Variants in MIER2 observed in about 807,000 individuals in gnomAD.
MIER2 encodes MIER family member 2, also known as mesoderm induction early response protein 2.
Under a neutral mutation model 67.6 loss-of-function variants are expected in MIER2, and 30 were observed. The observed-to-expected ratio is 0.44, with a 90% CI of 0.33 to 0.60. The LOEUF is 0.60. Among genes scored for constraint, MIER2 ranks in the 20% least tolerant of loss-of-function variants. MIER2 has a pLI of 0.02. For missense variants in MIER2, 702 were observed against 745.1 expected, an observed-to-expected ratio of 0.94 and a Z score of 0.67; for synonymous variants, 372 against 312.6, an observed-to-expected ratio of 1.19 and a Z score of -2.00.
At chr19:325,776 G>T in intron 6 of MIER2, 72 bp from the exon 7 acceptor site, 1 of 1,544,864 alleles carries the variant, frequency 6.5e-7, no homozygotes, top group Non-Finnish European at 8.9e-7. Flanking sequence ...GCTGCAGCGT[G>T]CTGTGGCAGG....
In MIER2 at chr19:306,569, CAGA is replaced by C. The variant is rs1970658695; in HGVS notation, c.*118_*120del. 1 of 1,321,090 alleles carries C rather than the reference CAGA, an allele frequency of 7.6e-7. No homozygotes were observed. The highest frequency in any genetic ancestry group is 1.5e-5 in the African/African-American group (1 of 68,486). The allele number at this position is 1,321,090 out of a possible 1,614,324, so 81.8% of individuals were successfully genotyped here. A position where few individuals can be genotyped will look rare whatever the true frequency, so the allele number is the denominator to read the frequency against. On this transcript the variant is annotated 3_prime_UTR_variant, in exon 14 of 14. Coordinates refer to ENST00000264819, the MANE Select transcript of MIER2 (RefSeq NM_017550.3). ...ACCCCAGTCCTGACGTGTTCTGAAG[CAGA>C]AGGAGGTGCTACCCCAAGGCCCGGG...
chr19:341,102 G>T (rs1972480337), intron 1 of MIER2, among the ~76,000 whole-genome samples: 1 of 152,178 alleles, frequency 6.6e-6, no homozygotes, highest in African/African-American at 2.4e-5. Flanking sequence ...CATCCTAAGT[G>T]ACCTCTGAAA....
chr19:326,456 G>A (rs753672669), intron 6 of MIER2, 51 bp downstream of exon 6: 16 of 1,542,482 alleles, frequency 1.0e-5, no homozygotes, highest in East Asian at 2.3e-5. Context: ...TTGGGGAGAC[G>A]GCAGAACCAC....
chr19:309,013 G>C, intron 10 of MIER2, 88 bp from the exon 11 acceptor site: 1 of 1,526,800 alleles, frequency 6.5e-7, no homozygotes, highest in South Asian at 1.2e-5. Flanking sequence ...TGGGACCCCG[G>C]GACAGCACAG....
At chr19:307,081 G>C (rs200898826) in intron 13 of MIER2, 38 bp downstream of exon 13, 4 of 1,539,022 alleles carry the variant, frequency 2.6e-6, no homozygotes, top group Non-Finnish European at 3.5e-6. Context: ...GACCTGGTTG[G>C]AGTGTTGCGG....
At chr19:326,763 C>A in intron 5 of MIER2, 165 bp from the exon 6 acceptor site, 4 of 623,376 alleles carry the variant, frequency 6.4e-6, no homozygotes, top group South Asian at 5.9e-5. Flanking sequence ...ACCAGGGATG[C>A]ACCTTTGAAG....
At chr19:322,819 C>T (rs148791830) in intron 7 of MIER2, among the ~76,000 whole-genome samples, 64 of 152,298 alleles carry the variant, frequency 4.2e-4, no homozygotes, top group Middle Eastern at 3.4e-3. Context: ...ACGACGCACA[C>T]GAGGGCATTC....
At chr19:326,885 C>T in intron 5 of MIER2, 1 of 589,968 alleles carries the variant, frequency 1.7e-6, no homozygotes, top group Non-Finnish European at 2.9e-6. Flanking sequence ...GAATGCTGTC[C>T]CTGGATCTGC....
At chr19:317,640 G>C (rs1971309466) in intron 7 of MIER2, among the ~76,000 whole-genome samples, 1 of 149,730 alleles carries the variant, frequency 6.7e-6, no homozygotes, top group Non-Finnish European at 1.5e-5. Flanking sequence ...TAAGGTAGGA[G>C]AATCACTTGA....
chr19:308,697 G>A lies in MIER2; in HGVS notation c.1110-32C>T. 6.3e-7 allele frequency: 1 copy of A among 1,598,446 alleles called. No individual in the cohort carries two copies. Among genetic ancestry groups the A allele is most frequent in the East Asian group, 2.3e-5 (1 of 44,358 alleles). ...GGAGAGGGCGCCATGAGGGGCGGCA[G>A]ACAGGACAGACGCCCCCACCCAAGA... On this transcript the variant is annotated intron_variant, in intron 11 of 13. Transcript: ENST00000264819. This position sits in a 1 kb window ranked among gnomAD's most constrained non-coding sequence, Gnocchi z 9.1.
At chr19:327,753 T>C in intron 4 of MIER2, 111 bp downstream of exon 4, 6 of 1,501,042 alleles carry the variant, frequency 4.0e-6, no homozygotes, top group Admixed American at 4.4e-5. Flanking sequence ...ATTCTACTTA[T>C]TCTGGGGGCC....
intron 7 of MIER2, among the ~76,000 whole-genome samples, chr19:322,462 A>G (rs561563209): frequency 6.6e-6 from 1 of 152,334 alleles, no homozygotes; most frequent in East Asian, 1.9e-4. Context: ...CACAAAGCCC[A>G]GAAAGACTTG....
Position 343,742 on chromosome 19 carries a change from C to G in MIER2, c.9+1032G>C, listed in dbSNP as rs1180273202. On this transcript the variant is annotated intron_variant, in intron 1 of 13. Transcript: ENST00000264819. The stretch of plus-strand genomic sequence containing the variant: ...TGAGTCTGCCCGCCTGTCGTAACTT[C>G]TGCGCACAGAAGTCATGCACTGAGT... The G allele has an allele frequency of 9.8e-6, 7 of 717,274 alleles. No homozygotes were observed. The Admixed American group carries it at 4.4e-4, about 45-fold the overall frequency. 44.4% of individuals were successfully genotyped at this position (717,274 alleles called of 1,614,324 possible). A position where few individuals can be genotyped will look rare whatever the true frequency, so the allele number is the denominator to read the frequency against.
chr19:308,582 C>T lies in MIER2; in HGVS notation c.1193G>A (p.Arg398His), dbSNP rs200171246. The change falls in exon 12 of 14, where the codon CGC becomes CAC. Residue 398 changes from arginine to histidine, a missense_variant. Physicochemically the swap from Arg to His is conservative, Grantham distance 29. Transcript: ENST00000264819. The surrounding 1 kb of genome is among the most constrained non-coding windows in gnomAD (Gnocchi z 9.1). Reference protein sequence around the residue: ...RPEQDTLTGMRTDPLSVDGTA... With the variant: ...RPEQDTLTGMHTDPLSVDGTA... ...AGATACTCCCCAAGCCTCACCTGTG[C>T]GCATCCCAGTCAGGGTGTCTTGCTC... The T allele has an allele frequency of 1.0e-3, 1,668 of 1,600,712 alleles. 3 individuals carry two copies. The highest frequency in any genetic ancestry group is 1.8e-3 in the South Asian group (157 of 88,778).
At chr19:312,155 G>A (rs1050251231) in intron 9 of MIER2, 36 bp downstream of exon 9, 9 of 1,529,666 alleles carry the variant, frequency 5.9e-6, no homozygotes, top group Non-Finnish European at 7.1e-6. Flanking sequence ...CCCAGGGCGG[G>A]GCCGCAGCGG....
intron 1 of MIER2, among the ~76,000 whole-genome samples, chr19:341,521 G>C (rs1355707728): frequency 6.6e-6 from 1 of 152,156 alleles, no homozygotes; most frequent in Non-Finnish European, 1.5e-5. Flanking sequence ...AGGCGACTCT[G>C]AGTTCCTGGA....
Position 307,265 on chromosome 19 carries a change from G to A in MIER2, c.1470C>T (p.Ser490=), listed in dbSNP as rs376617535. The A allele has an allele frequency of 4.4e-5, 71 of 1,597,212 alleles. No individual in the cohort carries two copies. The highest frequency in any genetic ancestry group is 5.8e-5 in the Non-Finnish European group (68 of 1,172,466). ...LPLISSHVDL[S]GDPEETVAPA... ...GGGCCACAGTCTCCTCCGGATCCCCGCTGAGGTCCACATGGCTGGAGATGA... is the reference window on the plus strand; with the variant it reads ...GGGCCACAGTCTCCTCCGGATCCCCACTGAGGTCCACATGGCTGGAGATGA... Residue 490 remains serine (S), a synonymous_variant, in exon 13 of 14, where the codon AGC becomes AGT. Transcript: ENST00000264819.
chr19:309,953 GAC>G (rs1245795941), intron 10 of MIER2, among the ~76,000 whole-genome samples: 57 of 102,720 alleles, frequency 5.5e-4, no homozygotes, highest in South Asian at 1.7e-3. Flanking sequence ...GACGAGAAGA[GAC>G]ACACACACGC....
chr19:328,420 G>C (rs545484083), intron 3 of MIER2, among the ~76,000 whole-genome samples: 1 of 146,896 alleles, frequency 6.8e-6, no homozygotes, highest in Non-Finnish European at 1.5e-5. Context: ...ATCTATTCCT[G>C]ATTTGAAAAA....
Sources: gnomAD v4.1 joint callset for allele counts (sites outside exome capture counted in the v4.1 genomes callset) on GRCh38, gnomAD v4.1.1 for gene constraint, Gnocchi (gnomAD v3.1) non-coding constraint, MANE v1.5 for transcripts, NCBI Gene and HGNC (gene_info 2026-07-23, HGNC 2026-07-21) for gene names.